Variants in CYP2C18 observed in about 807,000 individuals in gnomAD.
CYP2C18 encodes the protein cytochrome P450 2C18.
Under a neutral mutation model 41.3 loss-of-function variants are expected in CYP2C18, and 38 were observed. The ratio of observed to expected loss-of-function variants is 0.92; its 90% CI spans 0.71 to 1.21. CYP2C18 has a LOEUF of 1.21. Ranked by LOEUF, CYP2C18 falls within the 50% of genes most tolerant of loss-of-function variation. The probability of loss-of-function intolerance (pLI) is 0.00; values close to 1 mark genes in which losing one functional copy is unlikely to be tolerated. For synonymous variants in CYP2C18, 236 were observed against 210.0 expected (o/e 1.12, Z -1.07); for missense variants, 635 against 591.4 (o/e 1.07, Z -0.77).
intron 7 of CYP2C18, chr10:94,728,713 T>G (rs967277467): frequency 2.3e-6 from 1 of 443,038 alleles, no homozygotes; most frequent in Non-Finnish European, 3.0e-6. Flanking sequence ...TAAAAAACCC[T>G]ATGAACAGAT....
intron 3 of CYP2C18, among the ~76,000 whole-genome samples, chr10:94,691,157 C>T (rs76413136): frequency 0.26 from 38,923 of 151,942 alleles, 5,298 homozygotes; most frequent in South Asian, 0.45. Context: ...AACATAGTGT[C>T]GGAAGTTCTG....
chr10:94,694,035 A>G (rs1847066529), intron 3 of CYP2C18, among the ~76,000 whole-genome samples: 1 of 152,192 alleles, frequency 6.6e-6, no homozygotes, highest in South Asian at 2.1e-4. Flanking sequence ...TACCTAAATG[A>G]TGATCAAATT....
rs193012177 is a variant in CYP2C18, at chr10:94,703,663, T to C, written c.643-3121T>C. Among the ~76,000 whole-genome samples the C allele has an allele frequency of 4.6e-5, 7 of 152,304 alleles. No individual in the cohort carries two copies. In the East Asian group the frequency reaches 1.4e-3, roughly 29 times the overall value. On this transcript the variant is annotated intron_variant, in intron 4 of 8. Transcript: ENST00000285979. ...AATTTCAAGCTAGTGGATCTTAGCT[T>C]GCTGGGCCCCATGAGGGTGGGATCC... is the stretch of plus-strand genomic sequence containing the variant.
At chr10:94,723,977 T>C (rs1435019031) in intron 6 of CYP2C18, among the ~76,000 whole-genome samples, 3 of 152,118 alleles carry the variant, frequency 2.0e-5, no homozygotes, top group African/African-American at 7.2e-5. Context: ...AGAATTAAAG[T>C]TTTAAAACAT....
intron 7 of CYP2C18, among the ~76,000 whole-genome samples, chr10:94,732,392 C>G (rs1020953368): frequency 6.6e-6 from 1 of 152,032 alleles, no homozygotes; most frequent in Non-Finnish European, 1.5e-5. Flanking sequence ...ATTAGTCCAG[C>G]TACTGTGGAA....
chr10:94,688,167 G>A lies in CYP2C18; in HGVS notation c.374G>A (p.Arg125His), dbSNP rs142985033. ...GGAAAGAGATGGAAGGAGATCCGGC[G>A]TTTCTGCCTCATGACTCTGCGGAAT... ...SNGKRWKEIR[R>H]FCLMTLRNFG... is the part of the protein sequence containing the mutation. Residue 125 changes from arginine to histidine, a missense_variant, in exon 3 of 9, where the codon CGT becomes CAT. Transcript: ENST00000285979. 4.3e-5 allele frequency: 70 copies of A among 1,613,592 alleles called. No homozygotes were observed. Among genetic ancestry groups the A allele is most frequent in the Middle Eastern group, 1.6e-4 (1 of 6,066 alleles).
intron 7 of CYP2C18, among the ~76,000 whole-genome samples, chr10:94,732,431 A>T (rs1472820170): frequency 6.6e-6 from 1 of 152,226 alleles, no homozygotes; most frequent in East Asian, 1.9e-4. Flanking sequence ...CAAAGAACTT[A>T]AAAGAGAACT....
At chr10:94,724,622 A>G in intron 7 of CYP2C18, 89 bp downstream of exon 7, 1 of 1,256,468 alleles carries the variant, frequency 8.0e-7, no homozygotes, top group East Asian at 2.3e-5. Context: ...ACACATGATG[A>G]GAGAAGTGTA....
In CYP2C18 at chr10:94,720,387, A is replaced by T; in HGVS notation, c.820-9A>T. 1.9e-6 allele frequency: 3 copies of T among 1,585,754 alleles called. No homozygotes were observed. The highest frequency in any genetic ancestry group is 2.6e-6 in the Non-Finnish European group (3 of 1,169,316). On this transcript the variant is annotated splice_polypyrimidine_tract_variant and intron_variant, in intron 5 of 8. Transcript: ENST00000285979. ...TACCAAATAATTAAATTATGAAATA[A>T]TTTTTTAGGAAAAGCACAATCAACA...
At chr10:94,704,325 T>G (rs1053205932) in intron 4 of CYP2C18, among the ~76,000 whole-genome samples, 3 of 144,094 alleles carry the variant, frequency 2.1e-5, no homozygotes, top group Admixed American at 7.0e-5. Context: ...CCTGCTATAG[T>G]TTTTATTTTT....
intron 5 of CYP2C18, among the ~76,000 whole-genome samples, chr10:94,711,657 T>C (rs1307914893): frequency 6.6e-6 from 1 of 152,130 alleles, no homozygotes; most frequent in Non-Finnish European, 1.5e-5. Flanking sequence ...GTATTCCTCC[T>C]GCCTCAGCTT....
intron 5 of CYP2C18, among the ~76,000 whole-genome samples, chr10:94,707,689 T>C (rs1378208312): frequency 2.0e-5 from 3 of 152,162 alleles, no homozygotes; most frequent in Non-Finnish European, 4.4e-5. Context: ...TATTTGAAGT[T>C]CAGCTTGCTG....
intron 3 of CYP2C18, among the ~76,000 whole-genome samples, chr10:94,692,426 A>G (rs1047675718): frequency 2.6e-4 from 40 of 151,900 alleles, no homozygotes; most frequent in Middle Eastern, 3.4e-3. Flanking sequence ...AAAAATGCTC[A>G]TCATCACTGG....
intron 5 of CYP2C18, among the ~76,000 whole-genome samples, chr10:94,719,312 G>C (rs556462481): frequency 6.6e-6 from 1 of 152,096 alleles, no homozygotes; most frequent in East Asian, 1.9e-4. Flanking sequence ...TGTCATGTTG[G>C]GCAGTGCAGA....
intron 5 of CYP2C18, among the ~76,000 whole-genome samples, chr10:94,716,909 T>G (rs1001642866): frequency 3.3e-5 from 5 of 152,224 alleles, no homozygotes; most frequent in Admixed American, 1.3e-4. Context: ...CTCTTCTTGT[T>G]GAATTGATCC....
chr10:94,687,843 A>C lies in CYP2C18; in HGVS notation c.242A>C (p.Glu81Ala). 6.2e-7 allele frequency: 1 copy of C among 1,613,840 alleles called. No homozygotes were observed. The highest frequency in any genetic ancestry group is 8.5e-7 in the Non-Finnish European group (1 of 1,179,798). The change falls in exon 2 of 9, where the codon GAA (glutamate) becomes GCA (alanine). Residue 81 changes from glutamate to alanine, a missense_variant. Physicochemically the swap from Glu to Ala is moderately radical, Grantham distance 107. Coordinates refer to ENST00000285979, the MANE Select transcript of CYP2C18 (RefSeq NM_000772.3). ...CCCATTGTGGTGTTGCATGGATATG[A>C]AGCAGTGAAGGAGGCCCTGATTGAT... ...LKPIVVLHGYEAVKEALIDHG... is the reference protein window; with the variant it reads ...LKPIVVLHGYAAVKEALIDHG...
intron 4 of CYP2C18, among the ~76,000 whole-genome samples, chr10:94,697,024 G>T (rs567891712): frequency 6.6e-6 from 1 of 152,156 alleles, no homozygotes; most frequent in Non-Finnish European, 1.5e-5. Flanking sequence ...TGAAAGTGAC[G>T]GGGAGAATGG....
At chr10:94,702,223 A>G (rs1466881261) in intron 4 of CYP2C18, among the ~76,000 whole-genome samples, 3 of 151,896 alleles carry the variant, frequency 2.0e-5, no homozygotes, top group African/African-American at 4.8e-5. Flanking sequence ...TGGGGTTGCT[A>G]TTCTCGAGGA....
At chr10:94,703,511 C>G (rs1471151967) in intron 4 of CYP2C18, among the ~76,000 whole-genome samples, 1 of 152,186 alleles carries the variant, frequency 6.6e-6, no homozygotes, top group Non-Finnish European at 1.5e-5. Context: ...GACTCATCTT[C>G]CCAGAGGTTT....
Sources: allele counts gnomAD v4.1 joint callset (sites outside exome capture counted in the v4.1 genomes callset), GRCh38; gene constraint gnomAD v4.1.1; transcripts MANE v1.5; gene names NCBI Gene and HGNC (gene_info 2026-07-23, HGNC 2026-07-21).